The following OR2J2 variants were observed in gnomAD, a reference collection of about 807,000 sequenced individuals.
OR2J2 encodes olfactory receptor 2J2.
Under a neutral mutation model 16.9 loss-of-function variants are expected in OR2J2, and 13 were observed. The ratio of observed to expected loss-of-function variants is 0.77; its 90% CI spans 0.50 to 1.23. OR2J2 has a LOEUF of 1.23. Among genes scored for constraint, OR2J2 ranks in the 50% most tolerant of loss-of-function variants. The pLI is 0.00. For synonymous variants in OR2J2, 125 were observed against 141.2 expected, an observed-to-expected ratio of 0.89 and a Z score of 0.81; for missense variants, 341 against 379.1, an observed-to-expected ratio of 0.90 and a Z score of 0.84.
At chr6:29,172,009 C>T (rs3129154) in intron 1 of OR2J2, among the ~76,000 whole-genome samples, 66,557 of 151,858 alleles carry the variant, frequency 0.44, 16,854 homozygotes, top group Non-Finnish European at 0.56. Flanking sequence ...GATTACAATA[C>T]TTGAGTTATT....
rs1196586195 is a variant in OR2J2 at position 29,175,037 on chromosome 6, TAATG to T, written c.*467_*470del. 6.4e-6 allele frequency: 1 copy of T among 155,750 alleles called. No homozygotes were observed. The highest frequency in any genetic ancestry group is 1.4e-5 in the Non-Finnish European group (1 of 70,636). The allele number at this position is 155,750 out of a possible 1,614,324, so 9.6% of individuals were successfully genotyped here. On this transcript the variant is annotated 3_prime_UTR_variant, in exon 2 of 2. Transcript: ENST00000641417. ...TCACAGCAAAGAAAAATGGTAAACATAATGAATAACATTGTTTAAGATATGGTAA... is the reference window on the plus strand; with the variant it reads ...TCACAGCAAAGAAAAATGGTAAACATAATAACATTGTTTAAGATATGGTAA...
intron 1 of OR2J2, chr6:29,173,321 A>G: frequency 7.7e-6 from 2 of 258,800 alleles, no homozygotes; most frequent in Non-Finnish European, 1.4e-5. Context: ...GACTTTTTAA[A>G]GTAAAAAATC....
chr6:29,172,724 T>C (rs1765568903), intron 1 of OR2J2, among the ~76,000 whole-genome samples: 1 of 152,154 alleles, frequency 6.6e-6, no homozygotes, highest in Non-Finnish European at 1.5e-5. Context: ...AAATTATAAA[T>C]TGTGACTCAG....
At chr6:29,172,921 T>C (rs1765579437) in intron 1 of OR2J2, among the ~76,000 whole-genome samples, 1 of 152,176 alleles carries the variant, frequency 6.6e-6, no homozygotes. Flanking sequence ...ACCTATGTTT[T>C]TGTTAGACTC....
rs192484428 is a variant in OR2J2, at chr6:29,173,195, C to A, written c.-17-424C>A. The A allele has an allele frequency of 2.7e-4, 42 of 156,186 alleles. 1 individual carries two copies. Among genetic ancestry groups the A allele is most frequent in the Middle Eastern group, 6.5e-3 (2 of 306 alleles). The allele number at this position is 156,186 out of a possible 1,614,324, so 9.7% of individuals were successfully genotyped here. ...TCAGTTAATATTTTAAAGTGACTAT[C>A]TAATTGCTTTTTAATATGGGAAATT... On this transcript the variant is annotated intron_variant, in intron 1 of 1. Coordinates refer to ENST00000641417, the MANE Select transcript of OR2J2 (RefSeq NM_030905.3).
intron 1 of OR2J2, chr6:29,173,369 C>G (rs1216850970): frequency 2.6e-6 from 1 of 382,516 alleles, no homozygotes; most frequent in African/African-American, 2.1e-5. Context: ...TATGGACTAT[C>G]TTAGTCTTCA....
In OR2J2 at chr6:29,173,673, T is replaced by A; in HGVS notation, c.38T>A (p.Phe13Tyr). Residue 13 changes from phenylalanine to tyrosine, a missense_variant, in exon 2 of 2, where the codon TTT (phenylalanine) becomes TAT (tyrosine). Physicochemically the swap from Phe to Tyr is conservative, Grantham distance 22. Coordinates refer to ENST00000641417, the MANE Select transcript of OR2J2 (RefSeq NM_030905.3). ...AAAAATGCAAGTTCGGAAGACTTCT[T>A]TATTCTACTTGGATTTTCTAATTGG... is the stretch of plus-strand genomic sequence containing the variant. ...IKKNASSEDF[F>Y]ILLGFSNWPQ... is the part of the protein sequence containing the mutation. 2.5e-6 allele frequency: 4 copies of A among 1,611,162 alleles called. No homozygotes were observed. The highest frequency in any genetic ancestry group is 3.4e-6 in the Non-Finnish European group (4 of 1,179,214).
rs2151020470 is a variant in OR2J2 at position 29,174,100 on chromosome 6, T to C, written c.465T>C (p.Thr155=). 1 of 1,613,696 alleles carries C rather than the reference T, an allele frequency of 6.2e-7. No homozygotes were observed. Among genetic ancestry groups the C allele is most frequent in the Non-Finnish European group, 8.5e-7 (1 of 1,179,920 alleles). The change falls in exon 2 of 2, where the codon ACT becomes ACC. Residue 155 remains threonine, a synonymous_variant. Transcript: ENST00000641417. ...LVAASWVIGF[T]ISALHSSFTF... is the part of the protein sequence containing the mutation. ...CGGCTTCTTGGGTAATTGGTTTTAC[T>C]ATCTCAGCACTTCATTCCTCCTTTA...
chr6:29,173,773 C>G lies in OR2J2; in HGVS notation c.138C>G (p.Ile46Met). The G allele has an allele frequency of 6.2e-7, 1 of 1,613,774 alleles. No homozygotes were observed. Among genetic ancestry groups the G allele is most frequent in the Non-Finnish European group, 8.5e-7 (1 of 1,179,944 alleles). Residue 46 changes from isoleucine to methionine, a missense_variant, in exon 2 of 2, where the codon ATC becomes ATG. Coordinates refer to ENST00000641417, the MANE Select transcript of OR2J2 (RefSeq NM_030905.3). Reference sequence around the variant, plus strand: ...TGACACTGACAGGAAACCTGTTCATCATCATCCTGTCATACGTGGACTCCC... The same window carrying G: ...TGACACTGACAGGAAACCTGTTCATGATCATCCTGTCATACGTGGACTCCC... ...YLMTLTGNLF[I>M]IILSYVDSHL...
In OR2J2 at chr6:29,174,293, G is replaced by C. The variant is rs759911843; in HGVS notation, c.658G>C (p.Gly220Arg). ...TCTCATTCTCATTCTCACTACCTAT[G>C]GTGCCATTGCCCGGGCTGTACTGAG... ...IPLILILTTYGAIARAVLSMQ... is the reference protein window; with the variant it reads ...IPLILILTTYRAIARAVLSMQ... Residue 220 changes from glycine to arginine, a missense_variant, in exon 2 of 2, where the codon GGT becomes CGT. Coordinates refer to ENST00000641417, the MANE Select transcript of OR2J2 (RefSeq NM_030905.3). The C allele has an allele frequency of 4.3e-6, 7 of 1,613,602 alleles. No individual in the cohort carries two copies.
In OR2J2 at chr6:29,174,623, C is replaced by T. The variant is rs779778592; in HGVS notation, c.*49C>T. ...TCATTGTTTTTCCTAGGGTCTTAGC[C>T]ATCTTGAAAGGTGGTTTCCCTGCTT... On this transcript the variant is annotated 3_prime_UTR_variant, in exon 2 of 2. Transcript: ENST00000641417. 1 of 1,449,160 alleles carries T rather than the reference C, an allele frequency of 6.9e-7. No homozygotes were observed. Among genetic ancestry groups the T allele is most frequent in the African/African-American group, 1.4e-5 (1 of 70,620 alleles). 89.8% of individuals were successfully genotyped at this position (1,449,160 alleles called of 1,614,324 possible).
At chr6:29,171,671 CT>C (rs1470819175) in intron 1 of OR2J2, among the ~76,000 whole-genome samples, 1 of 151,978 alleles carries the variant, frequency 6.6e-6, no homozygotes, top group Non-Finnish European at 1.5e-5. Context: ...CAGATTCCAC[CT>C]TTTAATTACT....
rs1420958418 is a variant in OR2J2, at chr6:29,174,579, G to T, written c.*5G>T. ...GGGTGGGAGTGGGGGAAGTGACAGG[G>T]AAATCATGTTGTCTGTTGTCATTGT... On this transcript the variant is annotated 3_prime_UTR_variant, in exon 2 of 2. Coordinates refer to ENST00000641417, the MANE Select transcript of OR2J2 (RefSeq NM_030905.3). 3.2e-6 allele frequency: 5 copies of T among 1,585,892 alleles called. No individual in the cohort carries two copies. The South Asian group carries it at 4.6e-5, about 15-fold the overall frequency.
At chr6:29,172,303 C>T (rs182904110) in intron 1 of OR2J2, among the ~76,000 whole-genome samples, 1 of 152,208 alleles carries the variant, frequency 6.6e-6, no homozygotes, top group Admixed American at 6.6e-5. Flanking sequence ...GGTGTTCCAC[C>T]TGCCTCGGCC....
intron 1 of OR2J2, among the ~76,000 whole-genome samples, chr6:29,172,357 C>T (rs1451286734): frequency 6.6e-6 from 1 of 152,090 alleles, no homozygotes; most frequent in African/African-American, 2.4e-5. Context: ...CACGCCTGGC[C>T]TCTTTTGCCA....
chr6:29,173,653 T>G lies in OR2J2; in HGVS notation c.18T>G (p.Asn6Lys), dbSNP rs1475256443. The G allele has an allele frequency of 1.9e-6, 3 of 1,600,042 alleles. No individual in the cohort carries two copies. The highest frequency in any genetic ancestry group is 2.7e-5 in the African/African-American group (2 of 73,894). Residue 6 changes from asparagine to lysine, a missense_variant, in exon 2 of 2, where the codon AAT becomes AAG. Physicochemically the swap from Asn to Lys is moderately conservative, Grantham distance 94. Transcript: ENST00000641417. ...AAAGATGAATGATGATTAAAAAAAA[T>G]GCAAGTTCGGAAGACTTCTTTATTC... Reference protein sequence around the residue: MMIKKNASSEDFFILL... With the variant: MMIKKKASSEDFFILL...
In OR2J2 at chr6:29,175,678, T is replaced by G. The variant is rs972591182; in HGVS notation, c.*1104T>G. 6.6e-6 allele frequency: 1 copy of G among 151,866 alleles called. No individual in the cohort carries two copies. The highest frequency in any genetic ancestry group is 2.4e-5 in the African/African-American group (1 of 41,390). 9.4% of individuals were successfully genotyped at this position (151,866 alleles called of 1,614,324 possible). A position where few individuals can be genotyped will look rare whatever the true frequency, so the allele number is the denominator to read the frequency against. ...GCCTGTAGTCCCATTGAAGCTAAACTTTTTTTTCACTTTACATGAACATTT... is the reference window on the plus strand; with the variant it reads ...GCCTGTAGTCCCATTGAAGCTAAACGTTTTTTTCACTTTACATGAACATTT... On this transcript the variant is annotated 3_prime_UTR_variant, in exon 2 of 2. Coordinates refer to ENST00000641417, the MANE Select transcript of OR2J2 (RefSeq NM_030905.3).
At chr6:29,172,911 A>T (rs776427887) in intron 1 of OR2J2, among the ~76,000 whole-genome samples, 2 of 151,932 alleles carry the variant, frequency 1.3e-5, no homozygotes, top group Non-Finnish European at 2.9e-5. Context: ...TCTCTTACCA[A>T]CCTATGTTTT....
At chr6:29,171,665 T>G (rs561780915) in intron 1 of OR2J2, among the ~76,000 whole-genome samples, 23 of 152,242 alleles carry the variant, frequency 1.5e-4, no homozygotes, top group Non-Finnish European at 2.6e-4. Flanking sequence ...AGTTATCAGA[T>G]TCCACCTTTT....
Sources: gnomAD v4.1 joint callset for allele counts (sites outside exome capture counted in the v4.1 genomes callset) on GRCh38, gnomAD v4.1.1 for gene constraint, MANE v1.5 for transcripts, NCBI Gene and HGNC (gene_info 2026-07-23, HGNC 2026-07-21) for gene names.